Variants in ANXA8 observed in about 807,000 individuals in gnomAD.
ANXA8 encodes the protein VAC-beta.
A neutral mutation model predicts 26.8 loss-of-function variants in ANXA8; 9 were observed. The observed-to-expected ratio is 0.34, with a 90% CI of 0.20 to 0.59. The LOEUF (loss-of-function observed/expected upper bound fraction) is 0.59. Ranked by LOEUF, ANXA8 falls within the 20% of genes least tolerant of loss-of-function variation. ANXA8 has a pLI of 0.84. For synonymous variants in ANXA8, 39 were observed against 94.8 expected (o/e 0.41, Z 3.42); for missense variants, 83 against 238.5 (o/e 0.35, Z 4.29).
the ANXA8 span, among the ~76,000 whole-genome samples, chr10:47,495,659 AGAGGAGGAGGAGGAG>A: frequency 3.3e-5 from 4 of 120,908 alleles, no homozygotes; most frequent in African/African-American, 1.0e-4. Flanking sequence ...CTGAGGAGGA[AGAGGAGGAGGAGGAG>A]GAGGAGGAGG....
At chr10:47,659,843 GC>G in the ANXA8 span, among the ~76,000 whole-genome samples, 1 of 151,462 alleles carries the variant, frequency 6.6e-6, no homozygotes, top group Non-Finnish European at 1.5e-5. Context: ...TGCAACCTCC[GC>G]CTCCCAGGCT....
chr10:47,749,126 C>T, the ANXA8 span, among the ~76,000 whole-genome samples: 485 of 83,134 alleles, frequency 5.8e-3, no homozygotes, highest in Admixed American at 0.011. Flanking sequence ...TCCCGCTACT[C>T]GGGAGGCTGA....
the ANXA8 span, among the ~76,000 whole-genome samples, chr10:47,937,414 T>A: frequency 2.7e-3 from 408 of 149,944 alleles, 22 homozygotes; most frequent in Admixed American, 5.8e-3. Context: ...TAAAAGTTAA[T>A]TTAAGTTTTA....
the ANXA8 span, among the ~76,000 whole-genome samples, chr10:47,627,233 T>C: frequency 6.7e-6 from 1 of 150,200 alleles, no homozygotes; most frequent in South Asian, 2.1e-4. Flanking sequence ...GGCTAGAAAA[T>C]GTCTTATATG....
At chr10:47,663,884 G>A in the ANXA8 span, among the ~76,000 whole-genome samples, 9 of 147,532 alleles carry the variant, frequency 6.1e-5, no homozygotes, top group Non-Finnish European at 1.0e-4. Context: ...AGTGAACTCT[G>A]GCTCTCTAGG....
the ANXA8 span, among the ~76,000 whole-genome samples, chr10:47,975,411 C>A: frequency 2.0e-5 from 3 of 148,110 alleles, 1 homozygote; most frequent in Non-Finnish European, 4.5e-5. Context: ...TAAGTAGGTC[C>A]AGCCCTCAAG....
At chr10:47,675,823 A>G in the ANXA8 span, among the ~76,000 whole-genome samples, 123 of 151,958 alleles carry the variant, frequency 8.1e-4, no homozygotes, top group African/African-American at 2.8e-3. Flanking sequence ...GGATTTAAAG[A>G]TAATTATGAA....
chr10:47,587,487 T>C, the ANXA8 span, among the ~76,000 whole-genome samples: 1 of 146,302 alleles, frequency 6.8e-6, no homozygotes, highest in Non-Finnish European at 1.5e-5. Flanking sequence ...CCAGGCCCTT[T>C]CCACATAGAC....
At chr10:47,646,739 C>T in the ANXA8 span, among the ~76,000 whole-genome samples, 75 of 152,008 alleles carry the variant, frequency 4.9e-4, no homozygotes, top group South Asian at 0.014. Context: ...ACATCTATGT[C>T]CTTCCCTAAA....
At chr10:47,738,664 C>T in the ANXA8 span, among the ~76,000 whole-genome samples, 1 of 151,818 alleles carries the variant, frequency 6.6e-6, no homozygotes, top group African/African-American at 2.4e-5. Context: ...GCAACCTCTG[C>T]CTCTCAGGCT....
At chr10:47,695,378 G>A in the ANXA8 span, among the ~76,000 whole-genome samples, 41 of 151,094 alleles carry the variant, frequency 2.7e-4, no homozygotes, top group African/African-American at 9.2e-4. Context: ...AAGCAGCAGA[G>A]GGGTAGGTGG....
At chr10:47,707,575 C>G in the ANXA8 span, among the ~76,000 whole-genome samples, 2 of 139,428 alleles carry the variant, frequency 1.4e-5, no homozygotes, top group Admixed American at 1.5e-4. Context: ...TTTGTAGAGA[C>G]CAGGTTTTGT....
At chr10:47,571,936 C>T in the ANXA8 span, among the ~76,000 whole-genome samples, 1 of 145,218 alleles carries the variant, frequency 6.9e-6, no homozygotes, top group East Asian at 2.0e-4. Flanking sequence ...CTGCACCTGA[C>T]CAGTATTGCC....
At chr10:47,672,927 G>C in the ANXA8 span, among the ~76,000 whole-genome samples, 6 of 151,660 alleles carry the variant, frequency 4.0e-5, no homozygotes, top group South Asian at 1.0e-3. Context: ...ATACAAGGGA[G>C]CCTAAATGAA....
chr10:47,894,863 A>C, the ANXA8 span, among the ~76,000 whole-genome samples: 2 of 152,374 alleles, frequency 1.3e-5, no homozygotes, highest in East Asian at 3.8e-4. Context: ...AACACATGCC[A>C]CTCACATACC....
chr10:47,580,791 C>A, the ANXA8 span, among the ~76,000 whole-genome samples: 296 of 148,512 alleles, frequency 2.0e-3, 6 homozygotes, highest in African/African-American at 7.1e-3. Flanking sequence ...CAAAAAAAAA[C>A]AGGCCAGGCT....
At chr10:47,707,230 G>C in the ANXA8 span, among the ~76,000 whole-genome samples, 1 of 143,038 alleles carries the variant, frequency 7.0e-6, no homozygotes, top group Non-Finnish European at 1.6e-5. Flanking sequence ...TACCAATTTG[G>C]TTTTGATTTT....
the ANXA8 span, among the ~76,000 whole-genome samples, chr10:47,588,119 C>G: frequency 6.9e-6 from 1 of 144,488 alleles, no homozygotes; most frequent in African/African-American, 2.9e-5. Flanking sequence ...TTGGTTCAAC[C>G]CAATGTTCAC....
the ANXA8 span, among the ~76,000 whole-genome samples, chr10:47,968,595 A>G: frequency 3.6e-5 from 5 of 138,170 alleles, no homozygotes; most frequent in Non-Finnish European, 8.1e-5. Flanking sequence ...GACCACCACC[A>G]AAGTTTCCAG....
Sources: gnomAD v4.1 joint callset for allele counts (sites outside exome capture counted in the v4.1 genomes callset) on GRCh38, gnomAD v4.1.1 for gene constraint, MANE v1.5 for transcripts, NCBI Gene and HGNC (gene_info 2026-07-23, HGNC 2026-07-21) for gene names.